Variants in CHP2 observed in about 807,000 individuals in gnomAD.
CHP2 encodes calcineurin like EF-hand protein 2.
CHP2 carries 31 observed loss-of-function variants against 24.7 expected under a neutral mutation model. The observed-to-expected ratio is 1.26, with a 90% CI of 0.94 to 1.69. The LOEUF (loss-of-function observed/expected upper bound fraction) is 1.69. Ranked by LOEUF, CHP2 falls within the 40% of genes most tolerant of loss-of-function variation. The probability of loss-of-function intolerance (pLI) is 0.00; values close to 1 mark genes in which losing one functional copy is unlikely to be tolerated. For missense variants in CHP2, 319 were observed against 261.5 expected (o/e 1.22, Z -1.52); for synonymous variants, 97 against 99.1 (o/e 0.98, Z 0.13).
Position 23,757,676 on chromosome 16 carries a change from A to G in CHP2, c.*93A>G. On this transcript the variant is annotated 3_prime_UTR_variant, in exon 7 of 7. Transcript: ENST00000300113. ...GACGCATGGACGCAGGGCGACAATA[A>G]ACTGTATTTTCGTTTCTAACTCTAT... The G allele has an allele frequency of 9.0e-7, 1 of 1,115,928 alleles. No homozygotes were observed. The allele number at this position is 1,115,928 out of a possible 1,614,324, so 69.1% of individuals were successfully genotyped here.
chr16:23,757,995 C>T lies in CHP2; in HGVS notation c.*412C>T, dbSNP rs1440389060. On this transcript the variant is annotated 3_prime_UTR_variant, in exon 7 of 7. Coordinates refer to ENST00000300113, the MANE Select transcript of CHP2 (RefSeq NM_022097.4). ...GTGATGGGAGACAGTGACAGATCATCAGGCATTAGATTCTCATAAGGAGTG... is the reference window on the plus strand; with the variant it reads ...GTGATGGGAGACAGTGACAGATCATTAGGCATTAGATTCTCATAAGGAGTG... The T allele has an allele frequency of 1.9e-5, 6 of 312,846 alleles. No homozygotes were observed. In the East Asian group the frequency reaches 4.7e-4, roughly 24 times the overall value. 19.4% of individuals were successfully genotyped at this position (312,846 alleles called of 1,614,324 possible).
Position 23,755,085 on chromosome 16 carries a change from C to G in CHP2, c.36C>G (p.Pro12=), listed in dbSNP as rs35034470. 3.1e-5 allele frequency: 50 copies of G among 1,601,630 alleles called. No individual in the cohort carries two copies. Among genetic ancestry groups the G allele is most frequent in the Admixed American group, 1.5e-4 (9 of 59,368 alleles). Residue 12 remains proline, a synonymous_variant, in exon 1 of 7, where the codon CCC becomes CCG. Coordinates refer to ENST00000300113, the MANE Select transcript of CHP2 (RefSeq NM_022097.4). The part of the protein sequence containing the change: ...GSRSSHAAVI[P]DGDSIRRETG... Reference sequence around the variant, plus strand: ...GCAGCTCCCACGCCGCGGTCATTCCCGACGGGGACAGTATTCGGCGAGAGA... The same window carrying G: ...GCAGCTCCCACGCCGCGGTCATTCCGGACGGGGACAGTATTCGGCGAGAGA...
chr16:23,756,211 T>A lies in CHP2; in HGVS notation c.352+18T>A. On this transcript the variant is annotated intron_variant, in intron 4 of 6. Coordinates refer to ENST00000300113, the MANE Select transcript of CHP2 (RefSeq NM_022097.4). ...ACTTCACTGTGAGTTTGTGAGGACC[T>A]GCACAAGTGAGAATGCAGATGTACC... 2 of 1,613,406 alleles carry A rather than the reference T, an allele frequency of 1.2e-6. No homozygotes were observed. The highest frequency in any genetic ancestry group is 1.7e-6 in the Non-Finnish European group (2 of 1,179,950).
rs1961247754 is a variant in CHP2 at position 23,757,785 on chromosome 16, T to C, written c.*202T>C. On this transcript the variant is annotated 3_prime_UTR_variant, in exon 7 of 7. Transcript: ENST00000300113. The stretch of plus-strand genomic sequence containing the variant: ...CAACCTTTTTGGCATCAGGGACAGT[T>C]TTTCCACGGATGGGTGACAGGGGAT... 1 of 613,856 alleles carries C rather than the reference T, an allele frequency of 1.6e-6. No individual in the cohort carries two copies. Among genetic ancestry groups the C allele is most frequent in the African/African-American group, 1.8e-5 (1 of 54,442 alleles). The allele number at this position is 613,856 out of a possible 1,614,324, so 38.0% of individuals were successfully genotyped here. A position where few individuals can be genotyped will look rare whatever the true frequency, so the allele number is the denominator to read the frequency against.
Position 23,758,839 on chromosome 16 carries a change from A to C in CHP2, c.*1256A>C, listed in dbSNP as rs974388609. 1 of 152,278 alleles carries C rather than the reference A, an allele frequency of 6.6e-6. No homozygotes were observed. The highest frequency in any genetic ancestry group is 6.5e-5 in the Admixed American group (1 of 15,280). 9.4% of individuals were successfully genotyped at this position (152,278 alleles called of 1,614,324 possible). A position where few individuals can be genotyped will look rare whatever the true frequency, so the allele number is the denominator to read the frequency against. On this transcript the variant is annotated 3_prime_UTR_variant, in exon 7 of 7. Transcript: ENST00000300113. ...GGACCCTTGAAGTCTGGACTCTTAA[A>C]TGGGTTTTTGCTGATTTCCTGGGTG...
At chr16:23,756,358 C>A (rs368879853) in intron 4 of CHP2, 30 bp from the exon 5 acceptor site, 6 of 1,606,298 alleles carry the variant, frequency 3.7e-6, no homozygotes, top group Non-Finnish European at 4.3e-6. Flanking sequence ...GAAGACCTAC[C>A]TTCCTTTCCC....
At chr16:23,755,363 A>G (rs1307005446) in intron 1 of CHP2, 1 of 596,034 alleles carries the variant, frequency 1.7e-6, no homozygotes, top group East Asian at 2.8e-5. Context: ...GAATCCAGGC[A>G]CCCAGGTGTC....
In CHP2 at chr16:23,756,127, G is replaced by A. The variant is rs1961221020; in HGVS notation, c.286G>A (p.Glu96Lys). ...VLAHFRPVED[E>K]DTETQDPKKP... ...GGCTCATTTTCGCCCTGTAGAAGATGAGGACACAGAAACCCAAGACCCCAA... is the reference window on the plus strand; with the variant it reads ...GGCTCATTTTCGCCCTGTAGAAGATAAGGACACAGAAACCCAAGACCCCAA... Residue 96 changes from glutamate (E) to lysine (K), a missense_variant, in exon 4 of 7, where the codon GAG (glutamate) becomes AAG (lysine). Coordinates refer to ENST00000300113, the MANE Select transcript of CHP2 (RefSeq NM_022097.4). 1.9e-6 allele frequency: 3 copies of A among 1,614,172 alleles called. No homozygotes were observed. Among genetic ancestry groups the A allele is most frequent in the African/African-American group, 1.3e-5 (1 of 75,040 alleles).
chr16:23,757,661 C>T lies in CHP2; in HGVS notation c.*78C>T, dbSNP rs1043323702. 35 of 1,206,948 alleles carry T rather than the reference C, an allele frequency of 2.9e-5. No homozygotes were observed. The highest frequency in any genetic ancestry group is 4.8e-5 in the South Asian group (4 of 82,904). The allele number at this position is 1,206,948 out of a possible 1,614,324, so 74.8% of individuals were successfully genotyped here. ...TCCAAAGCCCCCATGGACGCATGGACGCAGGGCGACAATAAACTGTATTTT... is the reference window on the plus strand; with the variant it reads ...TCCAAAGCCCCCATGGACGCATGGATGCAGGGCGACAATAAACTGTATTTT... On this transcript the variant is annotated 3_prime_UTR_variant, in exon 7 of 7. Transcript: ENST00000300113.
In CHP2 at chr16:23,758,826, T is replaced by C. The variant is rs925206209; in HGVS notation, c.*1243T>C. On this transcript the variant is annotated 3_prime_UTR_variant, in exon 7 of 7. Coordinates refer to ENST00000300113, the MANE Select transcript of CHP2 (RefSeq NM_022097.4). ...CCATTACTGTGAGGGACCCTTGAAG[T>C]CTGGACTCTTAAATGGGTTTTTGCT... The C allele has an allele frequency of 1.3e-5, 2 of 152,236 alleles. No homozygotes were observed. The highest frequency in any genetic ancestry group is 4.8e-5 in the African/African-American group (2 of 41,428). The allele number at this position is 152,236 out of a possible 1,614,324, so 9.4% of individuals were successfully genotyped here.
In CHP2 at chr16:23,755,128, C is replaced by G. The variant is rs1567267840; in HGVS notation, c.67+12C>G. On this transcript the variant is annotated intron_variant, in intron 1 of 6. Transcript: ENST00000300113. ...GCGAGAGACCGGCTGTGAGTGCGCC[C>G]GCGTCGGCGGCTGCGGAGGGGACGG... The G allele has an allele frequency of 1.9e-6, 3 of 1,593,724 alleles. No individual in the cohort carries two copies. The highest frequency in any genetic ancestry group is 1.1e-5 in the South Asian group (1 of 90,072).
At chr16:23,756,510 G>A (rs972681236) in intron 5 of CHP2, 61 bp downstream of exon 5, 32 of 1,416,856 alleles carry the variant, frequency 2.3e-5, no homozygotes, top group Non-Finnish European at 3.2e-5. Flanking sequence ...TAAATGCAAT[G>A]GTGTGAGAGA....
chr16:23,756,119 TAGA>T lies in CHP2; in HGVS notation c.282_284del (p.Glu94del), dbSNP rs1961220596. On this transcript the variant is annotated inframe_deletion, in exon 4 of 7. Coordinates refer to ENST00000300113, the MANE Select transcript of CHP2 (RefSeq NM_022097.4). The stretch of plus-strand genomic sequence containing the variant: ...AGGGTCTTGGCTCATTTTCGCCCTG[TAGA>T]AGATGAGGACACAGAAACCCAAGAC... 2 of 1,614,080 alleles carry T rather than the reference TAGA, an allele frequency of 1.2e-6. No individual in the cohort carries two copies. The highest frequency in any genetic ancestry group is 1.7e-6 in the Non-Finnish European group (2 of 1,180,010).
At position 23,757,412 on chromosome 16, in the gene CHP2, G is replaced by C. The variant is rs910514993; in HGVS notation, c.537+89G>C. 3.8e-6 allele frequency: 6 copies of C among 1,586,366 alleles called. No individual in the cohort carries two copies. In the East Asian group the frequency reaches 9.0e-5, roughly 24 times the overall value. On this transcript the variant is annotated intron_variant, in intron 6 of 6. Transcript: ENST00000300113. ...AACGTTCAACGGAGGAGGGCGGAAA[G>C]ATAGGGGTTGCCTGGGAATGATGGG...
At chr16:23,756,526 T>A in intron 5 of CHP2, 77 bp downstream of exon 5, 1 of 1,250,868 alleles carries the variant, frequency 8.0e-7, no homozygotes, top group South Asian at 1.2e-5. Flanking sequence ...AGAGATGGGG[T>A]GGGATGATTG....
chr16:23,757,692 C>T lies in CHP2; in HGVS notation c.*109C>T. On this transcript the variant is annotated 3_prime_UTR_variant, in exon 7 of 7. Transcript: ENST00000300113. ...GCGACAATAAACTGTATTTTCGTTT[C>T]TAACTCTATTTAGGGCCAAGAGAAG... 1.0e-6 allele frequency: 1 copy of T among 1,002,630 alleles called. No homozygotes were observed. Among genetic ancestry groups the T allele is most frequent in the Non-Finnish European group, 1.6e-6 (1 of 624,598 alleles). The allele number at this position is 1,002,630 out of a possible 1,614,324, so 62.1% of individuals were successfully genotyped here.
intron 5 of CHP2, among the ~76,000 whole-genome samples, chr16:23,756,791 T>C (rs1324792690): frequency 6.6e-6 from 1 of 152,072 alleles, no homozygotes; most frequent in Non-Finnish European, 1.5e-5. Context: ...TGTGGCTATA[T>C]ATCATGCAAT....
Position 23,755,656 on chromosome 16 carries a change from C to T in CHP2, c.68-5C>T. ...CACACCCCCACCCCACTCTCCTTCC[C>T]GCAGTCTCCCAAGCCAGCCTGCTCC... On this transcript the variant is annotated splice_region_variant and splice_polypyrimidine_tract_variant and intron_variant, in intron 1 of 6. Coordinates refer to ENST00000300113, the MANE Select transcript of CHP2 (RefSeq NM_022097.4). 3 of 1,613,738 alleles carry T rather than the reference C, an allele frequency of 1.9e-6. No individual in the cohort carries two copies. Among genetic ancestry groups the T allele is most frequent in the Non-Finnish European group, 2.5e-6 (3 of 1,179,864 alleles).
intron 1 of CHP2, 112 bp from the exon 2 acceptor site, chr16:23,755,549 C>T: frequency 2.2e-6 from 2 of 897,424 alleles, no homozygotes; most frequent in Non-Finnish European, 1.8e-6. Flanking sequence ...GGGATGATCG[C>T]CCCTTCCAGC....
Sources: allele counts gnomAD v4.1 joint callset (sites outside exome capture counted in the v4.1 genomes callset), GRCh38; gene constraint gnomAD v4.1.1; transcripts MANE v1.5; gene names NCBI Gene and HGNC (gene_info 2026-07-23, HGNC 2026-07-21).